The following EEPD1 variants were observed in gnomAD, a reference collection of about 807,000 sequenced individuals.
The protein encoded by EEPD1 is endonuclease/exonuclease/phosphatase family domain-containing protein 1.
A neutral mutation model predicts 46.3 loss-of-function variants in EEPD1; 17 were observed. The ratio of observed to expected loss-of-function variants is 0.37; its 90% CI spans 0.25 to 0.55. The LOEUF (loss-of-function observed/expected upper bound fraction) is 0.55, where lower values mean the gene tolerates loss of function less well. EEPD1 is among the 20% of genes least tolerant of loss of function. The pLI, the probability that EEPD1 is intolerant of heterozygous loss-of-function variation, is 0.83. For missense variants in EEPD1, 673 were observed against 745.6 expected (o/e 0.90, Z 1.13); for synonymous variants, 313 against 315.6 (o/e 0.99, Z 0.09).
intron 3 of EEPD1, among the ~76,000 whole-genome samples, chr7:36,266,983 A>G (rs1787029190): frequency 3.3e-5 from 5 of 152,158 alleles, no homozygotes; most frequent in Admixed American, 3.3e-4. Context: ...GCTGGTGGAC[A>G]TTTGGGTCAT....
chr7:36,215,639 C>T (rs948195174), intron 2 of EEPD1, among the ~76,000 whole-genome samples: 2 of 152,352 alleles, frequency 1.3e-5, no homozygotes, highest in African/African-American at 4.8e-5. Context: ...GTGTTGGGGC[C>T]ATTGCTGCCT....
chr7:36,179,474 A>C (rs1785236072), intron 2 of EEPD1, among the ~76,000 whole-genome samples: 1 of 151,842 alleles, frequency 6.6e-6, no homozygotes, highest in Non-Finnish European at 1.5e-5. Flanking sequence ...TAATCCCAGC[A>C]CTTTGGGAGG....
intron 2 of EEPD1, among the ~76,000 whole-genome samples, chr7:36,211,282 G>A (rs554069294): frequency 4.6e-5 from 7 of 152,302 alleles, no homozygotes; most frequent in African/African-American, 1.7e-4. Context: ...CATGCGCAGT[G>A]TTAAAATAGC....
chr7:36,258,493 G>A (rs1348570297), intron 3 of EEPD1, among the ~76,000 whole-genome samples: 1 of 152,206 alleles, frequency 6.6e-6, no homozygotes, highest in South Asian at 2.1e-4. Context: ...CACTGACTGG[G>A]GCTGCTGCCT....
chr7:36,240,639 G>A (rs1786541674), intron 3 of EEPD1, among the ~76,000 whole-genome samples: 1 of 152,244 alleles, frequency 6.6e-6, no homozygotes, highest in Non-Finnish European at 1.5e-5. Flanking sequence ...ATTGGATGTG[G>A]ATAGTAAATG....
At chr7:36,241,620 G>A (rs555526858) in intron 3 of EEPD1, among the ~76,000 whole-genome samples, 17 of 151,776 alleles carry the variant, frequency 1.1e-4, no homozygotes, top group Non-Finnish European at 2.2e-4. Flanking sequence ...TAATCCCAGC[G>A]CTTTGGGAGG....
chr7:36,160,676 T>TGTGGG lies in EEPD1; in HGVS notation c.878+5475_878+5476insTGGGG, dbSNP rs1554308583. Among the ~76,000 whole-genome samples the TGTGGG allele has an allele frequency of 2.2e-4, 8 of 36,540 alleles. No individual in the cohort carries two copies. In the South Asian group the frequency reaches 6.2e-3, roughly 28 times the overall value. 24.0% of individuals were successfully genotyped at this position (36,540 alleles called of 152,430 possible). ...AGATAGTCTGACTGCTGGGAGGTGG[T>TGTGGG]GGGGGGCGGGGCGTGCATGGAGAGG... On this transcript the variant is annotated intron_variant, in intron 2 of 7. Transcript: ENST00000242108.
chr7:36,168,542 C>T (rs974219138), intron 2 of EEPD1, among the ~76,000 whole-genome samples: 1 of 152,104 alleles, frequency 6.6e-6, no homozygotes, highest in Admixed American at 6.5e-5. Context: ...ATCACGAGGT[C>T]AGGAGATCGA....
chr7:36,290,840 G>T (rs146345262), intron 6 of EEPD1, among the ~76,000 whole-genome samples: 118 of 152,316 alleles, frequency 7.7e-4, no homozygotes, highest in South Asian at 2.3e-3. Context: ...TCCCCTCACT[G>T]CTGGGAATCA....
chr7:36,250,468 T>C (rs992182987), intron 3 of EEPD1, among the ~76,000 whole-genome samples: 2 of 152,164 alleles, frequency 1.3e-5, no homozygotes, highest in Non-Finnish European at 2.9e-5. Context: ...CAGAACAACC[T>C]ATGGCCAGTC....
In EEPD1 at chr7:36,234,821, G is replaced by A. The variant is rs140963260; in HGVS notation, c.879-4164G>A. On this transcript the variant is annotated intron_variant, in intron 2 of 7. Coordinates refer to ENST00000242108, the MANE Select transcript of EEPD1 (RefSeq NM_030636.3). ...GCATTCTGGGTGGGCAGGGAGTGTCGTCACACCATCCATAGCTGACCCACT... is the reference window on the plus strand; with the variant it reads ...GCATTCTGGGTGGGCAGGGAGTGTCATCACACCATCCATAGCTGACCCACT... Among the ~76,000 whole-genome samples, 456 of 152,146 alleles carry A rather than the reference G, an allele frequency of 3.0e-3. 4 individuals are homozygous for A. Among genetic ancestry groups the A allele is most frequent in the African/African-American group, 0.01 (420 of 41,486 alleles).
intron 2 of EEPD1, among the ~76,000 whole-genome samples, chr7:36,236,751 C>G (rs1201144169): frequency 6.6e-6 from 1 of 152,180 alleles, no homozygotes; most frequent in Non-Finnish European, 1.5e-5. Flanking sequence ...ACACACCAAT[C>G]AGCACTCTGT....
At chr7:36,282,088 T>C (rs2115872238) in intron 4 of EEPD1, among the ~76,000 whole-genome samples, 2 of 152,360 alleles carry the variant, frequency 1.3e-5, no homozygotes, top group South Asian at 4.1e-4. Context: ...CTGGGTTTTA[T>C]GTTTGGGGGT....
rs534523432 is a variant in EEPD1 at position 36,208,515 on chromosome 7, A to G, written c.879-30470A>G. 6.6e-5 allele frequency among the ~76,000 whole-genome samples: 10 copies of G among 152,216 alleles called. No homozygotes were observed. The East Asian group carries it at 1.3e-3, about 21-fold the overall frequency. ...ACAGTGTGGTGGAGAGTGGTTTAATACTCAGTGGTTGGGCATTGGGGGTGT... is the reference window on the plus strand; with the variant it reads ...ACAGTGTGGTGGAGAGTGGTTTAATGCTCAGTGGTTGGGCATTGGGGGTGT... On this transcript the variant is annotated intron_variant, in intron 2 of 7. Coordinates refer to ENST00000242108, the MANE Select transcript of EEPD1 (RefSeq NM_030636.3).
chr7:36,297,153 C>T lies in EEPD1; in HGVS notation c.1476C>T (p.Ile492=). 1.2e-6 allele frequency: 2 copies of T among 1,614,198 alleles called. No individual in the cohort carries two copies. The highest frequency in any genetic ancestry group is 2.2e-5 in the South Asian group (2 of 91,074). Residue 492 remains isoleucine, a synonymous_variant, in exon 7 of 8, where the codon ATC becomes ATT. Transcript: ENST00000242108. ...AAGGCTCGAAGTCTCTGGACAACAT[C>T]TGGATCAGTAAAAGCTTAAAGAAGG... ...NPQGSKSLDN[I]WISKSLKKVF...
At chr7:36,196,825 G>A (rs945646021) in intron 2 of EEPD1, among the ~76,000 whole-genome samples, 2 of 151,956 alleles carry the variant, frequency 1.3e-5, no homozygotes, top group African/African-American at 2.4e-5. Flanking sequence ...GCCTCTGCCC[G>A]GCCGCCACCC....
intron 2 of EEPD1, among the ~76,000 whole-genome samples, chr7:36,189,538 G>A (rs1785425298): frequency 6.6e-6 from 1 of 152,092 alleles, no homozygotes; most frequent in Non-Finnish European, 1.5e-5. Flanking sequence ...GAATTTTGTT[G>A]AATACCAGAA....
intron 2 of EEPD1, among the ~76,000 whole-genome samples, chr7:36,156,591 GCTTT>G (rs1784828699): frequency 1.3e-5 from 2 of 152,190 alleles, no homozygotes; most frequent in African/African-American, 4.8e-5. Context: ...TTCCTATTAT[GCTTT>G]CTAGTGGCTC....
intron 7 of EEPD1, among the ~76,000 whole-genome samples, chr7:36,298,497 C>T (rs1184988344): frequency 6.6e-6 from 1 of 152,210 alleles, no homozygotes; most frequent in Non-Finnish European, 1.5e-5. Context: ...AAATATACTT[C>T]CTGCTTCATA....
Sources: allele counts gnomAD v4.1 joint callset (sites outside exome capture counted in the v4.1 genomes callset), GRCh38; gene constraint gnomAD v4.1.1; transcripts MANE v1.5; gene names NCBI Gene and HGNC (gene_info 2026-07-23, HGNC 2026-07-21).